KCNAB1: variants seen among roughly 807,000 people sequenced by gnomAD.
KCNAB1 encodes the protein voltage-gated potassium channel subunit beta-1.
KCNAB1 carries 35 observed loss-of-function variants against 64.6 expected under a neutral mutation model. The observed-to-expected ratio is 0.54, with a 90% CI of 0.41 to 0.72. The LOEUF (loss-of-function observed/expected upper bound fraction) is 0.72, where lower values mean the gene tolerates loss of function less well. Among genes scored for constraint, KCNAB1 ranks in the 30% least tolerant of loss-of-function variants. The pLI, the probability that KCNAB1 is intolerant of heterozygous loss-of-function variation, is 0.00. For missense variants in KCNAB1, 401 were observed against 512.9 expected (o/e 0.78, Z 2.11); for synonymous variants, 177 against 183.8 (o/e 0.96, Z 0.30).
chr3:156,121,813 A>G (rs555103634), intron 1 of KCNAB1, among the ~76,000 whole-genome samples: 8 of 152,350 alleles, frequency 5.3e-5, no homozygotes, highest in South Asian at 2.1e-4. Context: ...AAATTCTGCA[A>G]TGCAGCCTGT....
chr3:156,172,682 G>T (rs867118369), intron 1 of KCNAB1, among the ~76,000 whole-genome samples: 1 of 152,188 alleles, frequency 6.6e-6, no homozygotes, highest in Admixed American at 6.5e-5. Flanking sequence ...GTAGATAGGG[G>T]CCTTTCTAGA....
chr3:156,149,590 A>G (rs915243839), intron 1 of KCNAB1, among the ~76,000 whole-genome samples: 2 of 152,166 alleles, frequency 1.3e-5, no homozygotes, highest in African/African-American at 4.8e-5. Context: ...ATGTTCTAGC[A>G]GAAGGATTTA....
At chr3:156,432,586 A>G (rs1390358637) in intron 2 of KCNAB1, among the ~76,000 whole-genome samples, 1 of 152,234 alleles carries the variant, frequency 6.6e-6, no homozygotes, top group Non-Finnish European at 1.5e-5. Context: ...CAATGGCTAA[A>G]TTGGAGCTGA....
At chr3:156,481,866 T>C (rs1303799422) in intron 8 of KCNAB1, among the ~76,000 whole-genome samples, 2 of 152,130 alleles carry the variant, frequency 1.3e-5, no homozygotes, top group African/African-American at 4.8e-5. Flanking sequence ...GAGTTAACAA[T>C]GTGGTTACAG....
chr3:156,291,425 A>C, intron 1 of KCNAB1: 1 of 1,008,206 alleles, frequency 9.9e-7, no homozygotes, highest in Non-Finnish European at 1.2e-6. Context: ...CCTGTGGTCC[A>C]GGGGATGCTG....
chr3:156,173,394 A>G (rs1712137718), intron 1 of KCNAB1, among the ~76,000 whole-genome samples: 1 of 152,218 alleles, frequency 6.6e-6, no homozygotes, highest in Admixed American at 6.5e-5. Context: ...TCTGTAAGTG[A>G]AACTCTTCCT....
intron 5 of KCNAB1, among the ~76,000 whole-genome samples, chr3:156,463,355 G>A (rs990972596): frequency 2.0e-4 from 30 of 151,968 alleles, no homozygotes; most frequent in African/African-American, 6.5e-4. Flanking sequence ...ATCCCCACAC[G>A]CCATTTCTGA....
intron 1 of KCNAB1, among the ~76,000 whole-genome samples, chr3:156,276,266 C>G (rs1719341660): frequency 6.6e-6 from 1 of 152,136 alleles, no homozygotes; most frequent in Non-Finnish European, 1.5e-5. Context: ...AAACATTCAG[C>G]AAACCATGTT....
chr3:156,481,015 A>G lies in KCNAB1; in HGVS notation c.658+6195A>G, dbSNP rs1714757316. ...AACCCATCTTGGTTTCCTAACCTCT[A>G]TAAACATTCTAGTACCTGGTTCAAC... On this transcript the variant is annotated intron_variant, in intron 8 of 13. Transcript: ENST00000490337. Among the ~76,000 whole-genome samples the G allele has an allele frequency of 2.0e-5, 3 of 152,122 alleles. No homozygotes were observed. The South Asian group carries it at 6.2e-4, about 32-fold the overall frequency.
intron 1 of KCNAB1, among the ~76,000 whole-genome samples, chr3:156,379,017 A>T (rs888872779): frequency 1.1e-4 from 16 of 152,176 alleles, no homozygotes; most frequent in African/African-American, 3.6e-4. Flanking sequence ...GCCTGCAAGG[A>T]TCATGCTTTC....
intron 1 of KCNAB1, among the ~76,000 whole-genome samples, chr3:156,219,310 A>G (rs1560142466): frequency 1.3e-5 from 2 of 152,072 alleles, no homozygotes; most frequent in Admixed American, 6.6e-5. Context: ...GAGAAATGCA[A>G]AATGCCCTGG....
At chr3:156,312,576 G>A (rs868161345) in intron 1 of KCNAB1, among the ~76,000 whole-genome samples, 1 of 151,890 alleles carries the variant, frequency 6.6e-6, no homozygotes, top group South Asian at 2.1e-4. Flanking sequence ...GCTGGGTGTG[G>A]TGGTGCTTGC....
At chr3:156,378,814 C>T (rs1006209482) in intron 1 of KCNAB1, among the ~76,000 whole-genome samples, 18 of 152,018 alleles carry the variant, frequency 1.2e-4, no homozygotes, top group East Asian at 1.9e-4. Flanking sequence ...AGCCCAGGAA[C>T]GAGGAGGGTC....
At position 156,250,447 on chromosome 3, in the gene KCNAB1, C is replaced by A. The variant is rs373673998; in HGVS notation, c.275+129561C>A. On this transcript the variant is annotated intron_variant, in intron 1 of 13. Transcript: ENST00000490337. ...TCTTCCCATTGTGTGCCATATGGTC[C>A]TTTGCTCTCAGAACCCGTAGTTCTA... Among the ~76,000 whole-genome samples, 7 of 152,290 alleles carry A rather than the reference C, an allele frequency of 4.6e-5. No individual in the cohort carries two copies. In the East Asian group the frequency reaches 9.6e-4, roughly 21 times the overall value.
At chr3:156,134,805 A>G (rs1157437867) in intron 1 of KCNAB1, among the ~76,000 whole-genome samples, 1 of 152,248 alleles carries the variant, frequency 6.6e-6, no homozygotes, top group East Asian at 1.9e-4. Flanking sequence ...TAGAGTAAAC[A>G]AAGTGAAACT....
At chr3:156,220,617 C>T (rs1263363608) in intron 1 of KCNAB1, among the ~76,000 whole-genome samples, 2 of 152,084 alleles carry the variant, frequency 1.3e-5, no homozygotes, top group Admixed American at 6.5e-5. Context: ...TGGATATTAG[C>T]TCTTTGTCAG....
At position 156,497,778 on chromosome 3, in the gene KCNAB1, A is replaced by G. The variant is rs186684045; in HGVS notation, c.659-16586A>G. Among the ~76,000 whole-genome samples, 6 of 152,366 alleles carry G rather than the reference A, an allele frequency of 3.9e-5. No homozygotes were observed. The East Asian group carries it at 1.2e-3, about 29-fold the overall frequency. On this transcript the variant is annotated intron_variant, in intron 8 of 13. Coordinates refer to ENST00000490337, the MANE Select transcript of KCNAB1 (RefSeq NM_172160.3). ...TTTATTTTTTAGCAACTCAATGAAC[A>G]TTAGGAAAACTATTCTTAGTGAGTA...
rs140273777 is a variant in KCNAB1, at chr3:156,459,922, C to G, written c.482+51C>G. The G allele has an allele frequency of 3.2e-4, 436 of 1,347,770 alleles. 3 individuals carry two copies. In the African/African-American group the frequency reaches 5.7e-3, roughly 18 times the overall value. 83.5% of individuals were successfully genotyped at this position (1,347,770 alleles called of 1,614,324 possible). A position where few individuals can be genotyped will look rare whatever the true frequency, so the allele number is the denominator to read the frequency against. On this transcript the variant is annotated intron_variant, in intron 5 of 13. Coordinates refer to ENST00000490337, the MANE Select transcript of KCNAB1 (RefSeq NM_172160.3). The stretch of plus-strand genomic sequence containing the variant: ...TTTTTAAAAAGGTATTATTTTGCAC[C>G]AGAGAAGGAAAAATAAAATTATATG...
At chr3:156,510,105 T>C (rs1717102923) in intron 8 of KCNAB1, among the ~76,000 whole-genome samples, 12 of 152,210 alleles carry the variant, frequency 7.9e-5, no homozygotes, top group Admixed American at 7.9e-4. Flanking sequence ...GGACAAGAAC[T>C]CACAGAGTTC....
Sources: allele counts gnomAD v4.1 joint callset (sites outside exome capture counted in the v4.1 genomes callset), GRCh38; gene constraint gnomAD v4.1.1; transcripts MANE v1.5; gene names NCBI Gene and HGNC (gene_info 2026-07-23, HGNC 2026-07-21).